CHRM3: variants seen among roughly 807,000 people sequenced by gnomAD.
CHRM3 encodes the protein muscarinic acetylcholine receptor M3.
In CHRM3, 11 loss-of-function variants were observed where a neutral mutation model predicts 41.8. The ratio of observed to expected loss-of-function variants is 0.26; its 90% CI spans 0.17 to 0.44. The LOEUF (loss-of-function observed/expected upper bound fraction) is 0.44, where lower values mean the gene tolerates loss of function less well. CHRM3 is among the 20% of genes least tolerant of loss of function. The pLI is 1.00. For synonymous variants in CHRM3, 297 were observed against 301.4 expected (o/e 0.99, Z 0.15); for missense variants, 571 against 745.4 (o/e 0.77, Z 2.72).
intron 5 of CHRM3, among the ~76,000 whole-genome samples, chr1:239,690,476 G>T (rs1473891496): frequency 6.6e-6 from 1 of 151,850 alleles, no homozygotes; most frequent in African/African-American, 2.4e-5. Flanking sequence ...TGATCAGCCC[G>T]CCATAGCCTC....
At chr1:239,906,519 C>G (rs1679975642) in intron 6 of CHRM3, among the ~76,000 whole-genome samples, 1 of 152,044 alleles carries the variant, frequency 6.6e-6, no homozygotes, top group Non-Finnish European at 1.5e-5. Context: ...CAGGTCACAA[C>G]CGAGGCCAAC....
chr1:239,670,835 C>T (rs960565112), intron 4 of CHRM3, among the ~76,000 whole-genome samples: 3 of 151,798 alleles, frequency 2.0e-5, no homozygotes, highest in African/African-American at 7.3e-5. Flanking sequence ...TTTGGGGTGA[C>T]TGTGGATAGT....
At chr1:239,532,349 C>T (rs939044372) in intron 2 of CHRM3, among the ~76,000 whole-genome samples, 3 of 147,294 alleles carry the variant, frequency 2.0e-5, no homozygotes, top group African/African-American at 7.4e-5. Context: ...AGGAGTTGGC[C>T]AGGCGCAGTG....
intron 1 of CHRM3, among the ~76,000 whole-genome samples, chr1:239,462,738 T>A (rs1433151777): frequency 6.6e-6 from 1 of 152,236 alleles, no homozygotes; most frequent in Admixed American, 6.5e-5. Flanking sequence ...TTGTGAGATT[T>A]TAGCGTCCTA....
intron 5 of CHRM3, among the ~76,000 whole-genome samples, chr1:239,819,325 C>T (rs1045496007): frequency 6.6e-6 from 1 of 152,150 alleles, no homozygotes; most frequent in African/African-American, 2.4e-5. Flanking sequence ...CATTCATGCA[C>T]TTGAAGGGCT....
intron 1 of CHRM3, among the ~76,000 whole-genome samples, chr1:239,437,365 T>C (rs543409348): frequency 1.3e-5 from 2 of 152,284 alleles, no homozygotes; most frequent in African/African-American, 4.8e-5. Flanking sequence ...GTGTTGGGAT[T>C]ATAGGCATGA....
chr1:239,448,528 GA>G (rs1664315875), intron 1 of CHRM3, among the ~76,000 whole-genome samples: 1 of 152,180 alleles, frequency 6.6e-6, no homozygotes, highest in Non-Finnish European at 1.5e-5. Context: ...TTTGGGGAAA[GA>G]AAATTGATAT....
chr1:239,634,990 T>G (rs183833512), intron 4 of CHRM3, among the ~76,000 whole-genome samples: 213 of 152,360 alleles, frequency 1.4e-3, no homozygotes, highest in South Asian at 4.1e-3. Flanking sequence ...CCATTGCTAA[T>G]GCAGGGAAAT....
intron 3 of CHRM3, among the ~76,000 whole-genome samples, chr1:239,610,132 G>T (rs78323986): frequency 7.3e-6 from 1 of 136,232 alleles, no homozygotes; most frequent in Admixed American, 8.3e-5. Flanking sequence ...GGCGGGGCTT[G>T]CAGTGAGTGG....
intron 1 of CHRM3, among the ~76,000 whole-genome samples, chr1:239,393,104 G>A (rs1425390347): frequency 6.6e-6 from 1 of 152,082 alleles, no homozygotes; most frequent in Non-Finnish European, 1.5e-5. Context: ...AGGTTATAAT[G>A]TACTATGATT....
chr1:239,839,312 G>C (rs1673587477), intron 6 of CHRM3, among the ~76,000 whole-genome samples: 1 of 152,222 alleles, frequency 6.6e-6, no homozygotes, highest in Non-Finnish European at 1.5e-5. Context: ...TCAATAGTGT[G>C]TTGTTACGGA....
chr1:239,823,031 C>T (rs1009338009), intron 5 of CHRM3, among the ~76,000 whole-genome samples: 1 of 152,136 alleles, frequency 6.6e-6, no homozygotes, highest in Admixed American at 6.5e-5. Flanking sequence ...TCGCCAGGTA[C>T]CCAGGAGTTC....
intron 5 of CHRM3, among the ~76,000 whole-genome samples, chr1:239,773,148 T>G (rs1405504874): frequency 1.3e-5 from 2 of 152,300 alleles, no homozygotes; most frequent in East Asian, 3.9e-4. Context: ...AATGTCCTGA[T>G]CTAGGAAAGG....
chr1:239,805,884 G>C (rs1670599637), intron 5 of CHRM3, among the ~76,000 whole-genome samples: 1 of 151,946 alleles, frequency 6.6e-6, no homozygotes, highest in African/African-American at 2.4e-5. Context: ...TTCCCTTCTT[G>C]GTTAGTTCTA....
chr1:239,637,433 C>G (rs1670578909), intron 4 of CHRM3, among the ~76,000 whole-genome samples: 1 of 151,288 alleles, frequency 6.6e-6, no homozygotes. Flanking sequence ...GAATATAGTC[C>G]CAGAAATGAA....
At chr1:239,622,412 T>G (rs1668481229) in intron 3 of CHRM3, among the ~76,000 whole-genome samples, 1 of 152,174 alleles carries the variant, frequency 6.6e-6, no homozygotes, top group South Asian at 2.1e-4. Flanking sequence ...TTGAAAACCT[T>G]CTAGAAAGGA....
chr1:239,701,020 G>A (rs1034258059), intron 5 of CHRM3, among the ~76,000 whole-genome samples: 3 of 152,058 alleles, frequency 2.0e-5, no homozygotes, highest in Non-Finnish European at 2.9e-5. Flanking sequence ...CCTGTGTGAC[G>A]CTTTTATCAG....
chr1:239,803,726 G>A (rs1222767696), intron 5 of CHRM3, among the ~76,000 whole-genome samples: 2 of 152,176 alleles, frequency 1.3e-5, no homozygotes, highest in African/African-American at 4.8e-5. Context: ...TGGAAGGCAG[G>A]GGGTAGGTGA....
intron 1 of CHRM3, among the ~76,000 whole-genome samples, chr1:239,417,744 A>G (rs981236576): frequency 6.6e-6 from 1 of 152,184 alleles, no homozygotes; most frequent in African/African-American, 2.4e-5. Flanking sequence ...ATTCTGAGTT[A>G]CATAGGTTTC....
Sources: allele counts gnomAD v4.1 joint callset (sites outside exome capture counted in the v4.1 genomes callset), GRCh38; gene constraint gnomAD v4.1.1; transcripts MANE v1.5; gene names NCBI Gene and HGNC (gene_info 2026-07-23, HGNC 2026-07-21).